The following MAGI2 variants were observed in gnomAD, a reference collection of about 807,000 sequenced individuals.
MAGI2 encodes membrane-associated guanylate kinase, WW and PDZ domain-containing protein 2.
Under a neutral mutation model 133.3 loss-of-function variants are expected in MAGI2, and 35 were observed. That is an observed-to-expected ratio of 0.26 (90% CI 0.20 to 0.35). The LOEUF is 0.35. Among genes scored for constraint, MAGI2 ranks in the 10% least tolerant of loss-of-function variants. MAGI2 has a pLI of 1.00. For synonymous variants in MAGI2, 729 were observed against 710.6 expected (o/e 1.03, Z -0.41); for missense variants, 1,636 against 1,863.4 (o/e 0.88, Z 2.25).
chr7:78,261,114 T>G lies in MAGI2; in HGVS notation c.1409-4533A>C, dbSNP rs148878746. Among the ~76,000 whole-genome samples the G allele has an allele frequency of 3.3e-3, 506 of 152,256 alleles. 3 individuals carry two copies. Among genetic ancestry groups the G allele is most frequent in the African/African-American group, 0.011 (456 of 41,564 alleles). On this transcript the variant is annotated intron_variant, in intron 9 of 21. Coordinates refer to ENST00000354212, the MANE Select transcript of MAGI2 (RefSeq NM_012301.4). ...AACCTTGGACCAGACTAGAATAATT[T>G]ACTTCCTAGTCAATTCTCATCTTAC...
intron 2 of MAGI2, among the ~76,000 whole-genome samples, chr7:78,671,055 C>T (rs987187749): frequency 5.3e-5 from 8 of 152,054 alleles, no homozygotes; most frequent in East Asian, 1.9e-4. Context: ...GTGGCCATTG[C>T]GAGAAAACAC....
intron 3 of MAGI2, among the ~76,000 whole-genome samples, chr7:78,574,248 A>G (rs1017440109): frequency 6.6e-6 from 1 of 152,190 alleles, no homozygotes; most frequent in Non-Finnish European, 1.5e-5. Flanking sequence ...GAGGGCGGTG[A>G]CATTGCTAAC....
At chr7:78,241,863 G>A (rs1305106232) in intron 10 of MAGI2, among the ~76,000 whole-genome samples, 1 of 151,942 alleles carries the variant, frequency 6.6e-6, no homozygotes, top group Non-Finnish European at 1.5e-5. Flanking sequence ...GAACCCAGGA[G>A]GTGGAGGCTG....
chr7:78,717,363 C>A (rs1028592733), intron 2 of MAGI2, among the ~76,000 whole-genome samples: 1 of 152,060 alleles, frequency 6.6e-6, no homozygotes, highest in African/African-American at 2.4e-5. Flanking sequence ...CAGGATGCAA[C>A]ATCTGGGAGA....
chr7:78,968,692 CATTTT>C (rs569454856), intron 2 of MAGI2, among the ~76,000 whole-genome samples: 194 of 152,086 alleles, frequency 1.3e-3, no homozygotes, highest in African/African-American at 4.6e-3. Context: ...CAAAAGAAGT[CATTTT>C]ATTTATCAAT....
In MAGI2 at chr7:78,366,037, G is replaced by A. The variant is rs185375427; in HGVS notation, c.1103+3119C>T. Among the ~76,000 whole-genome samples, 117 of 152,242 alleles carry A rather than the reference G, an allele frequency of 7.7e-4. 1 individual carries two copies. In the East Asian group the frequency reaches 0.021, roughly 27 times the overall value. ...GCACGTAAGCTTTTTTTGCTACTGG[G>A]TTGGAAGGTGGAATCTTTTTCATAT... On this transcript the variant is annotated intron_variant, in intron 7 of 21. Transcript: ENST00000354212.
chr7:78,185,644 G>A lies in MAGI2; in HGVS notation c.2296C>T (p.Arg766Ter). The A allele has an allele frequency of 1.9e-6, 3 of 1,591,796 alleles. No homozygotes were observed. The highest frequency in any genetic ancestry group is 2.6e-6 in the Non-Finnish European group (3 of 1,164,592). Residue 766 changes from arginine to a stop codon, truncating the protein, a stop_gained, in exon 13 of 22, where the codon CGA becomes TGA. Transcript: ENST00000354212. LOFTEE classifies it high-confidence loss of function. The part of the protein sequence containing the change: ...RQQVPPRTSF[R>*]MDSSGPDYKE... ...CAATACTTGCCAGAGGAATCCATTC[G>A]AAAACTGGTCCTGGGTGGCACTTGT...
At chr7:79,013,887 T>C (rs1808427269) in intron 1 of MAGI2, among the ~76,000 whole-genome samples, 2 of 152,212 alleles carry the variant, frequency 1.3e-5, no homozygotes, top group Admixed American at 1.3e-4. Flanking sequence ...CCCTGGTTTG[T>C]TAGTTTTTCC....
chr7:78,855,448 C>G (rs1030653582), intron 2 of MAGI2, among the ~76,000 whole-genome samples: 3 of 152,120 alleles, frequency 2.0e-5, no homozygotes, highest in Non-Finnish European at 4.4e-5. Flanking sequence ...TGTTCCCCAC[C>G]CTGTATCCAA....
intron 1 of MAGI2, among the ~76,000 whole-genome samples, chr7:79,248,459 T>C (rs1832977206): frequency 6.6e-6 from 1 of 152,152 alleles, no homozygotes; most frequent in African/African-American, 2.4e-5. Flanking sequence ...GGACAGATCA[T>C]CTAGACAAAA....
At chr7:79,163,079 ACCT>A (rs1215955574) in intron 1 of MAGI2, among the ~76,000 whole-genome samples, 1 of 151,778 alleles carries the variant, frequency 6.6e-6, no homozygotes, top group Admixed American at 6.6e-5. Flanking sequence ...CTGTGACAAA[ACCT>A]CCTTTTCTCT....
At chr7:79,373,236 A>C (rs375231674) in intron 1 of MAGI2, among the ~76,000 whole-genome samples, 1 of 152,026 alleles carries the variant, frequency 6.6e-6, no homozygotes. Flanking sequence ...GCTACATTAA[A>C]GTTATGTTTA....
At chr7:79,116,791 C>T (rs192096326) in intron 1 of MAGI2, among the ~76,000 whole-genome samples, 61 of 152,204 alleles carry the variant, frequency 4.0e-4, no homozygotes, top group African/African-American at 1.4e-3. Flanking sequence ...TGTTTCTGCC[C>T]CCTTCTCTCT....
intron 3 of MAGI2, among the ~76,000 whole-genome samples, chr7:78,609,169 A>C (rs764394800): frequency 1.1e-4 from 17 of 152,178 alleles, no homozygotes; most frequent in Admixed American, 2.0e-4. Context: ...TGCCTTCCCC[A>C]GCCCACTGAC....
At chr7:78,870,127 C>T (rs1214582408) in intron 2 of MAGI2, among the ~76,000 whole-genome samples, 1 of 151,760 alleles carries the variant, frequency 6.6e-6, no homozygotes, top group Non-Finnish European at 1.5e-5. Flanking sequence ...AAAGAAATAA[C>T]CTCATCAAAA....
intron 21 of MAGI2, among the ~76,000 whole-genome samples, chr7:78,036,363 A>G (rs1007486578): frequency 5.3e-5 from 8 of 151,922 alleles, no homozygotes; most frequent in African/African-American, 1.7e-4. Flanking sequence ...AAATTAAATG[A>G]GCATCTAACA....
chr7:78,221,272 C>T (rs886288274), intron 10 of MAGI2, among the ~76,000 whole-genome samples: 7 of 152,202 alleles, frequency 4.6e-5, no homozygotes, highest in African/African-American at 1.7e-4. Flanking sequence ...CTGCTCCCCA[C>T]ATGGCAGACC....
intron 9 of MAGI2, among the ~76,000 whole-genome samples, chr7:78,265,374 A>G (rs1793896137): frequency 6.6e-6 from 1 of 152,236 alleles, no homozygotes; most frequent in Admixed American, 6.5e-5. Context: ...GCAAAGCTCC[A>G]AAAAGCACTG....
intron 2 of MAGI2, among the ~76,000 whole-genome samples, chr7:78,876,863 TA>T (rs1486560142): frequency 6.6e-6 from 1 of 152,244 alleles, no homozygotes; most frequent in Non-Finnish European, 1.5e-5. Context: ...AAATCTTTTG[TA>T]CATATGTTTG....
Sources: gnomAD v4.1 joint callset for allele counts (sites outside exome capture counted in the v4.1 genomes callset) on GRCh38, gnomAD v4.1.1 for gene constraint, MANE v1.5 for transcripts, NCBI Gene and HGNC (gene_info 2026-07-23, HGNC 2026-07-21) for gene names.